The following THBS4 variants were observed in gnomAD, a reference collection of about 807,000 sequenced individuals.
The protein encoded by THBS4 is thrombospondin-4.
THBS4 carries 90 observed loss-of-function variants against 115.7 expected under a neutral mutation model. The ratio of observed to expected loss-of-function variants is 0.78; its 90% CI spans 0.66 to 0.93. The LOEUF is 0.93. Among genes scored for constraint, THBS4 ranks in the 40% least tolerant of loss-of-function variants. The pLI, the probability that THBS4 is intolerant of heterozygous loss-of-function variation, is 0.00. For missense variants in THBS4, 1,087 were observed against 1,232.7 expected (o/e 0.88, Z 1.77); for synonymous variants, 460 against 479.3 (o/e 0.96, Z 0.53).
intron 2 of THBS4, among the ~76,000 whole-genome samples, chr5:80,043,770 G>C (rs1832977255): frequency 6.6e-6 from 1 of 152,094 alleles, no homozygotes; most frequent in South Asian, 2.1e-4. Context: ...CCTACCCCAG[G>C]CCACCTCATT....
intron 16 of THBS4, among the ~76,000 whole-genome samples, chr5:80,077,591 C>T (rs1368614157): frequency 6.6e-6 from 1 of 152,310 alleles, no homozygotes; most frequent in East Asian, 1.9e-4. Flanking sequence ...TGCAAAAATG[C>T]CAGCACGTTA....
intron 8 of THBS4, among the ~76,000 whole-genome samples, chr5:80,063,220 C>G (rs1057232929): frequency 1.3e-5 from 2 of 152,150 alleles, no homozygotes; most frequent in African/African-American, 4.8e-5. Context: ...TTTTAATGAT[C>G]GCCATTCTAA....
intron 2 of THBS4, among the ~76,000 whole-genome samples, chr5:80,047,543 C>A (rs147105057): frequency 4.6e-5 from 7 of 150,766 alleles, no homozygotes; most frequent in Non-Finnish European, 8.9e-5. Context: ...TGCCGTGGCT[C>A]ATGCCTGTAA....
chr5:80,030,934 A>G (rs1208486707), upstream of THBS4, among the ~76,000 whole-genome samples: 1 of 152,236 alleles, frequency 6.6e-6, no homozygotes, highest in Non-Finnish European at 1.5e-5. Flanking sequence ...ATATGTATAA[A>G]ACTTCTACTT....
In THBS4 at chr5:80,079,264, G is replaced by A. The variant is rs770390582; in HGVS notation, c.2511+6G>A. The A allele has an allele frequency of 5.6e-6, 9 of 1,596,424 alleles. No homozygotes were observed. In the South Asian group the frequency reaches 7.9e-5, roughly 14 times the overall value. Reference sequence around the variant, plus strand: ...AACCTGGCATTCAGCTCAAGGTATTGGTGGTTTGAAGTCATTCATCTCCCT... The same window carrying A: ...AACCTGGCATTCAGCTCAAGGTATTAGTGGTTTGAAGTCATTCATCTCCCT... On this transcript the variant is annotated splice_donor_region_variant and intron_variant, in intron 19 of 21. Transcript: ENST00000350881.
intron 2 of THBS4, among the ~76,000 whole-genome samples, chr5:80,004,512 C>T (rs1316008271): frequency 6.6e-6 from 1 of 152,060 alleles, no homozygotes; most frequent in Non-Finnish European, 1.5e-5. Flanking sequence ...GCCACTGTGG[C>T]CTACGGGTTT....
intron 15 of THBS4, chr5:80,075,212 A>G (rs1743141017): frequency 6.6e-6 from 1 of 152,152 alleles, no homozygotes; most frequent in South Asian, 2.1e-4. Flanking sequence ...AGTTGGTTGA[A>G]TCTGCGGATA....
At chr5:80,053,588 C>T (rs1000350510) in intron 2 of THBS4, among the ~76,000 whole-genome samples, 57 of 149,980 alleles carry the variant, frequency 3.8e-4, no homozygotes, top group Non-Finnish European at 7.5e-5. Context: ...TTAACGCTTT[C>T]CCACCCTGGG....
At chr5:80,074,132 C>T (rs1447883046) in intron 15 of THBS4, 1 of 152,178 alleles carries the variant, frequency 6.6e-6, no homozygotes, top group South Asian at 2.1e-4. Flanking sequence ...GACATTAGCT[C>T]TTTTATTTTT....
chr5:80,050,523 A>G (rs905460581), intron 2 of THBS4, among the ~76,000 whole-genome samples: 3 of 152,142 alleles, frequency 2.0e-5, no homozygotes, highest in Admixed American at 1.3e-4. Context: ...TATCTCAAGC[A>G]CTGATGTTAG....
intron 2 of THBS4, among the ~76,000 whole-genome samples, chr5:80,015,319 A>T (rs981897373): frequency 1.6e-4 from 24 of 152,138 alleles, no homozygotes; most frequent in African/African-American, 5.8e-4. Flanking sequence ...CCCTTAGATG[A>T]TCCAGCTATC....
intron 1 of THBS4, among the ~76,000 whole-genome samples, chr5:79,995,367 C>A (rs1006692873): frequency 6.6e-6 from 1 of 152,128 alleles, no homozygotes; most frequent in Non-Finnish European, 1.5e-5. Flanking sequence ...TGGCACCCTT[C>A]CGCTGAGCAT....
At position 80,061,021 on chromosome 5, in the gene THBS4, T is replaced by C. The variant is rs577474110; in HGVS notation, c.988-674T>C. ...CGCTAGTAGTAAGCAATTAAGACGG[T>C]CTCTAGTAATCCCTCAATTGGAGAA... On this transcript the variant is annotated intron_variant, in intron 7 of 21. Transcript: ENST00000350881. Among the ~76,000 whole-genome samples the C allele has an allele frequency of 2.6e-5, 4 of 152,294 alleles. No homozygotes were observed. The East Asian group carries it at 7.7e-4, about 29-fold the overall frequency.
intron 2 of THBS4, among the ~76,000 whole-genome samples, chr5:80,024,685 G>C (rs1471459720): frequency 6.6e-6 from 1 of 152,078 alleles, no homozygotes; most frequent in African/African-American, 2.4e-5. Flanking sequence ...CAACCATTTT[G>C]GCAATGGCTT....
intron 2 of THBS4, among the ~76,000 whole-genome samples, chr5:80,049,555 G>A (rs1402507070): frequency 6.6e-6 from 1 of 152,148 alleles, no homozygotes; most frequent in Non-Finnish European, 1.5e-5. Flanking sequence ...CCAACAAAGT[G>A]TTCCACATTT....
intron 9 of THBS4, chr5:80,067,475 T>C (rs1447702051): frequency 6.6e-6 from 1 of 152,424 alleles, no homozygotes; most frequent in East Asian, 1.9e-4. Context: ...TTTGTCAGTT[T>C]CTCAGCCTAC....
intron 2 of THBS4, among the ~76,000 whole-genome samples, chr5:80,047,818 G>A (rs898755104): frequency 4.0e-5 from 6 of 151,456 alleles, no homozygotes; most frequent in Non-Finnish European, 5.9e-5. Flanking sequence ...TGTTGTTGTC[G>A]TTATCCTTAG....
At chr5:80,020,868 G>C (rs1832358037) in intron 2 of THBS4, among the ~76,000 whole-genome samples, 1 of 152,178 alleles carries the variant, frequency 6.6e-6, no homozygotes, top group African/African-American at 2.4e-5. Flanking sequence ...CTATAGAAAT[G>C]TAAACATTGC....
intron 2 of THBS4, among the ~76,000 whole-genome samples, chr5:80,007,278 G>C (rs1021451808): frequency 6.6e-6 from 1 of 152,156 alleles, no homozygotes; most frequent in Admixed American, 6.6e-5. Flanking sequence ...CAATAGCATG[G>C]TTAAAAGAAC....
Sources: gnomAD v4.1 joint callset for allele counts (sites outside exome capture counted in the v4.1 genomes callset) on GRCh38, gnomAD v4.1.1 for gene constraint, MANE v1.5 for transcripts, NCBI Gene and HGNC (gene_info 2026-07-23, HGNC 2026-07-21) for gene names.